SEMA3F: variants seen among roughly 807,000 people sequenced by gnomAD.
SEMA3F encodes the protein semaphorin-3F.
SEMA3F carries 30 observed loss-of-function variants against 98.5 expected under a neutral mutation model. The ratio of observed to expected loss-of-function variants is 0.30; its 90% CI spans 0.23 to 0.41. The LOEUF is 0.41. Among genes scored for constraint, SEMA3F ranks in the 10% least tolerant of loss-of-function variants. The pLI is 1.00. For missense variants in SEMA3F, 866 were observed against 1,119.3 expected (o/e 0.77, Z 3.23); for synonymous variants, 380 against 444.8 (o/e 0.85, Z 1.83).
At chr3:50,176,463 C>A (rs1007613675) in intron 6 of SEMA3F, among the ~76,000 whole-genome samples, 6 of 152,178 alleles carry the variant, frequency 3.9e-5, no homozygotes, top group Admixed American at 2.6e-4. Context: ...CATGGAGGGG[C>A]TTCAGCCCCT....
chr3:50,186,284 G>T lies in SEMA3F; in HGVS notation c.1749G>T (p.Arg583=), dbSNP rs762898871. 4 of 1,613,532 alleles carry T rather than the reference G, an allele frequency of 2.5e-6. No homozygotes were observed. The change falls in exon 17 of 19, where the codon CGG becomes CGT. Residue 583 remains arginine (R), a synonymous_variant. Transcript: ENST00000002829. ...CSRYTASSKR[R]SRRQDVRHGN... ...TTCAGGGGCTATCCTCATCCAGGCG[G>T]AGCCGCCGGCAGGACGTCCGGCACG...
At position 50,182,457 on chromosome 3, in the gene SEMA3F, G is replaced by T; in HGVS notation, c.763+54G>T. ...GGCCATGTGTCTGGGATGCGGCAAGGAGGTCGTAAAGAAGCACATGTGGGG... is the reference window on the plus strand; with the variant it reads ...GGCCATGTGTCTGGGATGCGGCAAGTAGGTCGTAAAGAAGCACATGTGGGG... On this transcript the variant is annotated intron_variant, in intron 8 of 18. Transcript: ENST00000002829. This position sits in a 1 kb window ranked among gnomAD's most constrained non-coding sequence, Gnocchi z 4.5. The T allele has an allele frequency of 6.2e-7, 1 of 1,608,574 alleles. No individual in the cohort carries two copies. The highest frequency in any genetic ancestry group is 8.5e-7 in the Non-Finnish European group (1 of 1,178,948).
chr3:50,162,791 G>GCT (rs1698261024), intron 2 of SEMA3F, among the ~76,000 whole-genome samples: 1 of 152,210 alleles, frequency 6.6e-6, no homozygotes, highest in Non-Finnish European at 1.5e-5. Context: ...TGTTTGGTGG[G>GCT]GTAGAAGGAC....
At chr3:50,171,403 G>A (rs555766827) in intron 2 of SEMA3F, among the ~76,000 whole-genome samples, 1 of 152,248 alleles carries the variant, frequency 6.6e-6, no homozygotes, top group South Asian at 2.1e-4. Context: ...TTGGAGCTTG[G>A]GGATTATGGC....
At chr3:50,157,605 C>T (rs1464673020) in intron 1 of SEMA3F, among the ~76,000 whole-genome samples, 8 of 152,142 alleles carry the variant, frequency 5.3e-5, no homozygotes, top group Non-Finnish European at 1.2e-4. Flanking sequence ...CCTTTTCTTC[C>T]TTCCCTCTCC....
At position 50,188,813 on chromosome 3, in the gene SEMA3F, G is replaced by A. The variant is rs1303873428; in HGVS notation, c.*698G>A. 3 of 152,830 alleles carry A rather than the reference G, an allele frequency of 2.0e-5. No individual in the cohort carries two copies. In the East Asian group the frequency reaches 5.8e-4, roughly 30 times the overall value. The allele number at this position is 152,830 out of a possible 1,614,324, so 9.5% of individuals were successfully genotyped here. ...TGTGCCACTTTGACTCAGAGGCTGG[G>A]AGCATAGCAGAGGGGCCAGGCCCAG... On this transcript the variant is annotated 3_prime_UTR_variant, in exon 19 of 19. Coordinates refer to ENST00000002829, the MANE Select transcript of SEMA3F (RefSeq NM_004186.5). The surrounding 1 kb of genome is among the most constrained non-coding windows in gnomAD (Gnocchi z 4.5).
At chr3:50,187,606 C>T in intron 18 of SEMA3F, 99 bp from the exon 19 acceptor site, 1 of 991,174 alleles carries the variant, frequency 1.0e-6, no homozygotes, top group Non-Finnish European at 1.5e-6. Flanking sequence ...ACATGGGTGC[C>T]TCTACACGGA....
intron 17 of SEMA3F, 114 bp downstream of exon 17, chr3:50,186,462 G>A: frequency 2.1e-6 from 3 of 1,409,332 alleles, no homozygotes; most frequent in Non-Finnish European, 3.0e-6. Context: ...CTAATGGAGG[G>A]TGGGGGCTAA....
In SEMA3F at chr3:50,184,274, T is replaced by C. The variant is rs143280597; in HGVS notation, c.1234-318T>C. The C allele has an allele frequency of 5.4e-3, 2,253 of 413,768 alleles. 11 individuals are homozygous for C. The highest frequency in any genetic ancestry group is 8.1e-3 in the Non-Finnish European group (1,801 of 221,992). The allele number at this position is 413,768 out of a possible 1,614,324, so 25.6% of individuals were successfully genotyped here. A position where few individuals can be genotyped will look rare whatever the true frequency, so the allele number is the denominator to read the frequency against. Reference sequence around the variant, plus strand: ...TGCAGGAGGGAGACGGGTGAGACCCTAGGAACAACCAGAGAGGAAGGAGAT... The same window carrying C: ...TGCAGGAGGGAGACGGGTGAGACCCCAGGAACAACCAGAGAGGAAGGAGAT... On this transcript the variant is annotated intron_variant, in intron 12 of 18. Coordinates refer to ENST00000002829, the MANE Select transcript of SEMA3F (RefSeq NM_004186.5).
upstream of SEMA3F, chr3:50,155,101 A>G: frequency 2.5e-6 from 1 of 404,376 alleles, no homozygotes; most frequent in Non-Finnish European, 4.6e-6. This position sits in a 1 kb window ranked among gnomAD's most constrained non-coding sequence, Gnocchi z 4.9. Flanking sequence ...GAGCGAGCGA[A>G]CGAACCGCGG....
At chr3:50,162,433 T>G (rs1467600037) in intron 2 of SEMA3F, among the ~76,000 whole-genome samples, 1 of 152,152 alleles carries the variant, frequency 6.6e-6, no homozygotes, top group Non-Finnish European at 1.5e-5. Flanking sequence ...CAAATGGAGA[T>G]TTCCAGGAGC....
chr3:50,181,119 A>G (rs1394708210), intron 7 of SEMA3F, among the ~76,000 whole-genome samples: 2 of 152,164 alleles, frequency 1.3e-5, no homozygotes, highest in East Asian at 1.9e-4. Flanking sequence ...ACAGAGACAC[A>G]AAGTAAGCAT....
intron 18 of SEMA3F, among the ~76,000 whole-genome samples, chr3:50,187,422 CAAAA>C (rs901489365): frequency 2.2e-4 from 13 of 58,926 alleles, no homozygotes; most frequent in Non-Finnish European, 3.9e-4. Flanking sequence ...GACCTTGTCT[CAAAA>C]AAAAAAAAAA....
chr3:50,180,265 G>A (rs781782048), intron 7 of SEMA3F, among the ~76,000 whole-genome samples: 5 of 152,054 alleles, frequency 3.3e-5, no homozygotes, highest in Non-Finnish European at 4.4e-5. Flanking sequence ...CCCGGTTCAA[G>A]TGATTTTCCT....
At chr3:50,169,592 C>G (rs529213848) in intron 2 of SEMA3F, among the ~76,000 whole-genome samples, 2 of 152,338 alleles carry the variant, frequency 1.3e-5, no homozygotes, top group Non-Finnish European at 1.5e-5. Context: ...CCTTCCTCCC[C>G]CTAAGGTCAA....
chr3:50,167,977 G>A lies in SEMA3F; in HGVS notation c.113-5816G>A, dbSNP rs985143374. Among the ~76,000 whole-genome samples, 6 of 152,180 alleles carry A rather than the reference G, an allele frequency of 3.9e-5. No individual in the cohort carries two copies. The East Asian group carries it at 5.8e-4, about 15-fold the overall frequency. ...CATTTAAATTAAATTCAATCAGAGC[G>A]GTTATTGAATAAAAACACGCGGAGT... is the stretch of plus-strand genomic sequence containing the variant. On this transcript the variant is annotated intron_variant, in intron 2 of 18. Coordinates refer to ENST00000002829, the MANE Select transcript of SEMA3F (RefSeq NM_004186.5).
In SEMA3F at chr3:50,155,446, G is replaced by A. The variant is rs1449672503; in HGVS notation, c.-167G>A. On this transcript the variant is annotated 5_prime_UTR_variant, in exon 1 of 19. Coordinates refer to ENST00000002829, the MANE Select transcript of SEMA3F (RefSeq NM_004186.5). The surrounding 1 kb of genome is among the most constrained non-coding windows in gnomAD (Gnocchi z 4.9). Reference sequence around the variant, plus strand: ...CGCCGATCCCGGCTGAGGCGCAGCGGCGAGAGGTCGCGGGCAGGGCCATGG... The same window carrying A: ...CGCCGATCCCGGCTGAGGCGCAGCGACGAGAGGTCGCGGGCAGGGCCATGG... The A allele has an allele frequency of 1.4e-5, 4 of 286,082 alleles. No individual in the cohort carries two copies. The highest frequency in any genetic ancestry group is 1.9e-5 in the Non-Finnish European group (3 of 156,228). The allele number at this position is 286,082 out of a possible 1,614,324, so 17.7% of individuals were successfully genotyped here.
intron 6 of SEMA3F, 111 bp from the exon 7 acceptor site, chr3:50,176,657 G>A: frequency 1.3e-6 from 1 of 768,064 alleles, no homozygotes; most frequent in South Asian, 1.5e-5. Flanking sequence ...TGTAGGGGGT[G>A]GGCTCGGGGT....
chr3:50,186,429 C>G, intron 17 of SEMA3F, 81 bp downstream of exon 17: 1 of 1,490,242 alleles, frequency 6.7e-7, no homozygotes, highest in Non-Finnish European at 9.3e-7. Context: ...CACAGGGCCC[C>G]CACTGTAAGG....
Sources: allele counts gnomAD v4.1 joint callset (sites outside exome capture counted in the v4.1 genomes callset), GRCh38; gene constraint gnomAD v4.1.1; non-coding constraint Gnocchi (gnomAD v3.1); transcripts MANE v1.5; gene names NCBI Gene and HGNC (gene_info 2026-07-23, HGNC 2026-07-21).